Variants in TINAG observed in about 807,000 individuals in gnomAD.
TINAG encodes the protein tubulointerstitial nephritis antigen.
A neutral mutation model predicts 72.7 loss-of-function variants in TINAG; 83 were observed. The observed-to-expected ratio is 1.14, with a 90% CI of 0.96 to 1.37. TINAG has a LOEUF of 1.37. Among genes scored for constraint, TINAG ranks in the 40% most tolerant of loss-of-function variants. TINAG has a pLI of 0.00. For synonymous variants in TINAG, 234 were observed against 189.9 expected (o/e 1.23, Z -1.91); for missense variants, 685 against 576.6 (o/e 1.19, Z -1.93).
At chr6:54,335,029 A>G (rs1784827427) in intron 4 of TINAG, among the ~76,000 whole-genome samples, 1 of 152,108 alleles carries the variant, frequency 6.6e-6, no homozygotes, top group South Asian at 2.1e-4. Flanking sequence ...AGAAAAGAGG[A>G]CAGACCTTTA....
At chr6:54,322,859 T>G (rs1333445981) in intron 3 of TINAG, among the ~76,000 whole-genome samples, 1 of 152,204 alleles carries the variant, frequency 6.6e-6, no homozygotes, top group African/African-American at 2.4e-5. Flanking sequence ...TCAAAGAAGA[T>G]GAGAGTATAT....
chr6:54,367,406 A>C lies in TINAG; in HGVS notation c.1250+12770A>C, dbSNP rs113689730. Among the ~76,000 whole-genome samples, 380 of 151,922 alleles carry C rather than the reference A, an allele frequency of 2.5e-3. 4 individuals are homozygous for C. The highest frequency in any genetic ancestry group is 8.7e-3 in the African/African-American group (360 of 41,536). On this transcript the variant is annotated intron_variant, in intron 9 of 10. Transcript: ENST00000259782. ...GGCAAAGATGAGCTCCGGGAAATAC[A>C]TACATAAATTTGCCTGACCTTGAAG...
rs1396836875 is a variant in TINAG, at chr6:54,389,920, C to A, written c.1426C>A (p.Pro476Thr). The A allele has an allele frequency of 6.2e-7, 1 of 1,608,804 alleles. No homozygotes were observed. Among genetic ancestry groups the A allele is most frequent in the African/African-American group, 1.3e-5 (1 of 74,574 alleles). ...AWGQLTSSDE[P>T] is the part of the protein sequence containing the mutation. Reference sequence around the variant, plus strand: ...GGGCCAACTGACGAGTTCTGATGAACCATAACATATCATTAAATTTCCATA... The same window carrying A: ...GGGCCAACTGACGAGTTCTGATGAAACATAACATATCATTAAATTTCCATA... The change falls in exon 11 of 11, where the codon CCA (proline) becomes ACA (threonine). Residue 476 changes from proline to threonine, a missense_variant. Coordinates refer to ENST00000259782, the MANE Select transcript of TINAG (RefSeq NM_014464.4).
chr6:54,362,886 T>G (rs1417076405), intron 9 of TINAG, among the ~76,000 whole-genome samples: 1 of 151,516 alleles, frequency 6.6e-6, no homozygotes, highest in Non-Finnish European at 1.5e-5. Flanking sequence ...AAACTGCAGA[T>G]GTGGTGGAAA....
Position 54,321,406 on chromosome 6 carries a change from G to C in TINAG, c.509+20G>C. The C allele has an allele frequency of 6.4e-7, 1 of 1,564,018 alleles. No homozygotes were observed. Among genetic ancestry groups the C allele is most frequent in the Non-Finnish European group, 8.8e-7 (1 of 1,135,768 alleles). ...CTATGGGTGAGAGAAATCTTGCTTT[G>C]TATGTTTCTTGACACTGCCATTTAC... On this transcript the variant is annotated intron_variant, in intron 3 of 10. Transcript: ENST00000259782.
At chr6:54,339,562 A>G (rs1784949371) in intron 4 of TINAG, among the ~76,000 whole-genome samples, 1 of 152,106 alleles carries the variant, frequency 6.6e-6, no homozygotes, top group Non-Finnish European at 1.5e-5. Context: ...GGGTGCATGG[A>G]GGGGCTGGGA....
At chr6:54,355,280 T>C (rs1052274678) in intron 9 of TINAG, among the ~76,000 whole-genome samples, 3 of 151,918 alleles carry the variant, frequency 2.0e-5, no homozygotes, top group African/African-American at 4.8e-5. Context: ...TCACTCTAGT[T>C]CAAATGAAAT....
At chr6:54,380,644 G>T in intron 10 of TINAG, 73 bp downstream of exon 10, 1 of 1,256,732 alleles carries the variant, frequency 8.0e-7, no homozygotes, top group East Asian at 2.4e-5. Context: ...TCTGCTACCT[G>T]CTTTGTATTA....
chr6:54,333,078 G>C (rs1242654092), intron 4 of TINAG, among the ~76,000 whole-genome samples: 2 of 152,104 alleles, frequency 1.3e-5, no homozygotes, highest in Non-Finnish European at 2.9e-5. Flanking sequence ...CAAAGATCTA[G>C]AACTAGAAAT....
intron 4 of TINAG, among the ~76,000 whole-genome samples, chr6:54,329,612 A>T (rs1784688456): frequency 6.6e-6 from 1 of 152,198 alleles, no homozygotes; most frequent in Non-Finnish European, 1.5e-5. Context: ...GATCAAATTC[A>T]CACACAACAA....
chr6:54,365,862 C>T (rs927761748), intron 9 of TINAG, among the ~76,000 whole-genome samples: 6 of 151,588 alleles, frequency 4.0e-5, no homozygotes, highest in African/African-American at 1.4e-4. Context: ...TTTAGAGAAT[C>T]CCTGCTTTAT....
At chr6:54,343,182 A>G in intron 4 of TINAG, 44 bp from the exon 5 acceptor site, 1 of 1,425,318 alleles carries the variant, frequency 7.0e-7, no homozygotes, top group Non-Finnish European at 9.3e-7. Context: ...CTATTGAGAC[A>G]TATTTGAGAA....
chr6:54,383,309 C>A (rs1292078983), intron 10 of TINAG, among the ~76,000 whole-genome samples: 1 of 152,042 alleles, frequency 6.6e-6, no homozygotes, highest in East Asian at 1.9e-4. Context: ...AGTTTTATTT[C>A]TGCACAATTA....
intron 9 of TINAG, among the ~76,000 whole-genome samples, chr6:54,364,298 T>C (rs985387185): frequency 1.0e-3 from 157 of 151,532 alleles, no homozygotes; most frequent in African/African-American, 3.6e-3. Flanking sequence ...GACTGATGAT[T>C]TTCCAAATGG....
rs141570577 is a variant in TINAG, at chr6:54,309,552, G to A, written c.355+647G>A. 3.4e-3 allele frequency among the ~76,000 whole-genome samples: 519 copies of A among 152,170 alleles called. 3 individuals are homozygous for A. The highest frequency in any genetic ancestry group is 5.8e-3 in the Non-Finnish European group (395 of 67,998). On this transcript the variant is annotated intron_variant, in intron 1 of 10. Transcript: ENST00000259782. ...TATAGACTGGTTGAAAAAGTCTAAG[G>A]TTAAATGGATAAATACAATATAAAG...
intron 9 of TINAG, among the ~76,000 whole-genome samples, chr6:54,356,379 A>G: frequency 6.6e-6 from 1 of 151,874 alleles, no homozygotes; most frequent in East Asian, 1.9e-4. Flanking sequence ...TATAAAAAAA[A>G]TACAAAAATT....
chr6:54,376,918 G>C (rs1419893159), intron 9 of TINAG, among the ~76,000 whole-genome samples: 2 of 152,116 alleles, frequency 1.3e-5, no homozygotes, highest in Admixed American at 6.6e-5. Flanking sequence ...TCAATGTAGG[G>C]AGACTGAAGG....
chr6:54,361,970 T>G (rs1411414122), intron 9 of TINAG, among the ~76,000 whole-genome samples: 1 of 151,376 alleles, frequency 6.6e-6, no homozygotes, highest in African/African-American at 2.4e-5. Context: ...CTGACAAAGG[T>G]GAGTAAGCTG....
chr6:54,364,391 A>G (rs1181405521), intron 9 of TINAG, among the ~76,000 whole-genome samples: 1 of 151,614 alleles, frequency 6.6e-6, no homozygotes, highest in Non-Finnish European at 1.5e-5. Context: ...TACTAAAATG[A>G]CAGAAAGACT....
Sources: allele counts gnomAD v4.1 joint callset (sites outside exome capture counted in the v4.1 genomes callset), GRCh38; gene constraint gnomAD v4.1.1; transcripts MANE v1.5; gene names NCBI Gene and HGNC (gene_info 2026-07-23, HGNC 2026-07-21).